The following AKR1B15 variants were observed in gnomAD, a reference collection of about 807,000 sequenced individuals.
AKR1B15 encodes the protein aldo-keto reductase family 1 member B15, also known as estradiol 17-beta-dehydrogenase AKR1B15.
AKR1B15 carries 49 observed loss-of-function variants against 38.5 expected under a neutral mutation model. That is an observed-to-expected ratio of 1.27 (90% CI 1.01 to 1.62). The LOEUF is 1.62. AKR1B15 is among the 40% of genes most tolerant of loss of function. The pLI is 0.00. For missense variants in AKR1B15, 411 were observed against 381.6 expected, an observed-to-expected ratio of 1.08 and a Z score of -0.64; for synonymous variants, 137 against 135.5, an observed-to-expected ratio of 1.01 and a Z score of -0.08.
Position 134,571,755 on chromosome 7 carries a change from A to T in AKR1B15, c.513+74A>T, listed in dbSNP as rs553826332. 2.1e-4 allele frequency: 245 copies of T among 1,172,348 alleles called. 1 individual carries two copies. Among genetic ancestry groups the T allele is most frequent in the Admixed American group, 5.5e-4 (28 of 50,510 alleles). 72.6% of individuals were successfully genotyped at this position (1,172,348 alleles called of 1,614,324 possible). A position where few individuals can be genotyped will look rare whatever the true frequency, so the allele number is the denominator to read the frequency against. ...TCCATGAGATTCCCATTGATATGAA[A>T]GAGGCCATGTGCCTGATGCTTTCTA... On this transcript the variant is annotated intron_variant, in intron 6 of 11. Coordinates refer to ENST00000457545, the MANE Select transcript of AKR1B15 (RefSeq NM_001080538.3).
intron 2 of AKR1B15, among the ~76,000 whole-genome samples, 164 bp downstream of exon 2, chr7:134,557,023 CCAAT>C (rs2117619994): frequency 6.6e-6 from 1 of 152,262 alleles, no homozygotes; most frequent in Non-Finnish European, 1.5e-5. Flanking sequence ...TGTTTCTATG[CCAAT>C]CAGTCTGGAG....
At chr7:134,568,808 G>A (rs778464915) in intron 4 of AKR1B15, among the ~76,000 whole-genome samples, 1 of 152,094 alleles carries the variant, frequency 6.6e-6, no homozygotes, top group Non-Finnish European at 1.5e-5. Context: ...AAAAAGAAAA[G>A]GATGTTGGGT....
intron 9 of AKR1B15, 103 bp downstream of exon 9, chr7:134,576,533 C>T (rs533041985): frequency 3.6e-5 from 49 of 1,372,534 alleles, no homozygotes; most frequent in Non-Finnish European, 4.7e-5. Context: ...GGGAAGAACA[C>T]AGGAGCTGAA....
chr7:134,559,210 G>A (rs61222686), intron 2 of AKR1B15, among the ~76,000 whole-genome samples: 10,834 of 152,150 alleles, frequency 0.071, 644 homozygotes, highest in East Asian at 0.31. Context: ...CAGTCATCCC[G>A]TATGGAGATG....
chr7:134,576,426 C>G lies in AKR1B15; in HGVS notation c.821C>G (p.Ala274Gly), dbSNP rs1007380910. The G allele has an allele frequency of 2.5e-6, 4 of 1,613,972 alleles. No homozygotes were observed. The highest frequency in any genetic ancestry group is 1.6e-4 in the Middle Eastern group (1 of 6,080). ...EIAAKHKKTT[A>G]QVLIRFHIQR... ...GCTGCAAAGCACAAAAAAACCACAG[C>G]CCAGGTACCATATTTTTATTTTTCT... is the stretch of plus-strand genomic sequence containing the variant. The change falls in exon 9 of 12, where the codon GCC (alanine) becomes GGC (glycine). Residue 274 changes from alanine (A) to glycine (G), a missense_variant. By Grantham distance (60) the Ala-to-Gly change is moderately conservative. Around this residue, in one of 3 missense-constraint regions of AKR1B15, gnomAD observed 133 missense variants for 120.3 expected, o/e 1.11. Coordinates refer to ENST00000457545, the MANE Select transcript of AKR1B15 (RefSeq NM_001080538.3).
At chr7:134,555,403 T>C (rs1794157647) in intron 1 of AKR1B15, among the ~76,000 whole-genome samples, 1 of 152,118 alleles carries the variant, frequency 6.6e-6, no homozygotes, top group African/African-American at 2.4e-5. Context: ...GGATTCATCA[T>C]TCTCGCATCA....
chr7:134,578,424 G>C (rs983597073), intron 11 of AKR1B15, among the ~76,000 whole-genome samples: 1 of 152,184 alleles, frequency 6.6e-6, no homozygotes, highest in African/African-American at 2.4e-5. Context: ...ATTCAAGCAA[G>C]AAGGCCAGGG....
At chr7:134,554,163 C>T (rs1281067984) in intron 1 of AKR1B15, among the ~76,000 whole-genome samples, 2 of 152,190 alleles carry the variant, frequency 1.3e-5, no homozygotes, top group Non-Finnish European at 2.9e-5. Context: ...GCTCCCTCAA[C>T]AGGTGGCTGC....
At chr7:134,559,837 C>T (rs1404323045) in intron 2 of AKR1B15, among the ~76,000 whole-genome samples, 1 of 152,112 alleles carries the variant, frequency 6.6e-6, no homozygotes, top group Non-Finnish European at 1.5e-5. Context: ...ATGCCAGGTG[C>T]AGTGGCTCAC....
chr7:134,573,523 A>T (rs1966139), intron 6 of AKR1B15: 441,732 of 984,824 alleles, frequency 0.45, 100,381 homozygotes, highest in African/African-American at 0.54. Context: ...ATTTGAAACG[A>T]GCATGCTTGA....
chr7:134,565,489 G>T, intron 3 of AKR1B15: 2 of 1,613,654 alleles, frequency 1.2e-6, no homozygotes, highest in Non-Finnish European at 8.5e-7. Flanking sequence ...CCATGGCCAC[G>T]TTTGTGGAGC....
rs1296780497 is a variant in AKR1B15 at position 134,551,847 on chromosome 7, G to A, written c.-147+2598G>A. On this transcript the variant is annotated intron_variant, in intron 1 of 11. Coordinates refer to ENST00000457545, the MANE Select transcript of AKR1B15 (RefSeq NM_001080538.3). Reference sequence around the variant, plus strand: ...AAAGGAATGCCCATTAAAGCCAGAGGAGAAACCAGAAAAGAAAAAGGTCCT... The same window carrying A: ...AAAGGAATGCCCATTAAAGCCAGAGAAGAAACCAGAAAAGAAAAAGGTCCT... 2.0e-5 allele frequency among the ~76,000 whole-genome samples: 3 copies of A among 152,158 alleles called. No individual in the cohort carries two copies. In the East Asian group the frequency reaches 5.8e-4, roughly 29 times the overall value.
chr7:134,566,407 G>A (rs1794536101), intron 3 of AKR1B15, among the ~76,000 whole-genome samples: 1 of 152,180 alleles, frequency 6.6e-6, no homozygotes, highest in African/African-American at 2.4e-5. Flanking sequence ...ATTGAAATCT[G>A]CAACATGCTG....
intron 3 of AKR1B15, chr7:134,565,255 TGAAGTCAGC>T (rs1794506479): frequency 8.0e-6 from 5 of 622,612 alleles, no homozygotes; most frequent in Non-Finnish European, 1.3e-5. Flanking sequence ...GCTTCATTCT[TGAAGTCAGC>T]GACACCACAA....
chr7:134,574,744 A>G (rs557554318), intron 6 of AKR1B15, among the ~76,000 whole-genome samples: 2 of 152,358 alleles, frequency 1.3e-5, no homozygotes, highest in Admixed American at 1.3e-4. Context: ...TAAAAATTAT[A>G]CAAAGATTCC....
chr7:134,577,156 C>T (rs1464545660), intron 10 of AKR1B15, 110 bp downstream of exon 10: 23 of 1,112,280 alleles, frequency 2.1e-5, no homozygotes, highest in Middle Eastern at 2.1e-4. Context: ...CCCCCTCCTT[C>T]CCCACCACCC....
chr7:134,575,800 G>A (rs577723392), intron 7 of AKR1B15, 21 bp from the exon 8 acceptor site: 4 of 1,613,394 alleles, frequency 2.5e-6, no homozygotes, highest in African/African-American at 2.7e-5. Flanking sequence ...TCCCCGTGAT[G>A]AGGATTGTTT....
intron 1 of AKR1B15, among the ~76,000 whole-genome samples, chr7:134,550,570 T>C (rs1006070031): frequency 6.6e-6 from 1 of 152,194 alleles, no homozygotes; most frequent in East Asian, 1.9e-4. Flanking sequence ...TGGCAAGAAA[T>C]ATTGGCTATA....
intron 11 of AKR1B15, 109 bp downstream of exon 11, chr7:134,577,895 C>G (rs1214523969): frequency 1.5e-6 from 2 of 1,293,862 alleles, no homozygotes; most frequent in African/African-American, 3.0e-5. Context: ...TCTTCAAATA[C>G]TATTTTGGGG....
Sources: allele counts gnomAD v4.1 joint callset (sites outside exome capture counted in the v4.1 genomes callset), GRCh38; gene constraint gnomAD v4.1.1; regional missense constraint gnomAD v4.1.1; transcripts MANE v1.5; gene names NCBI Gene and HGNC (gene_info 2026-07-23, HGNC 2026-07-21).